The following PROM1 variants were observed in gnomAD, a reference collection of about 807,000 sequenced individuals.
PROM1 encodes prominin-1.
In PROM1, 105 loss-of-function variants were observed where a neutral mutation model predicts 116.9. The ratio of observed to expected loss-of-function variants is 0.90; its 90% CI spans 0.77 to 1.06. The LOEUF (loss-of-function observed/expected upper bound fraction) is 1.06, where lower values mean the gene tolerates loss of function less well. Ranked by LOEUF, PROM1 falls within the 50% of genes least tolerant of loss-of-function variation. The pLI, the probability that PROM1 is intolerant of heterozygous loss-of-function variation, is 0.00. For synonymous variants in PROM1, 393 were observed against 387.0 expected (o/e 1.02, Z -0.18); for missense variants, 1,122 against 1,045.2 (o/e 1.07, Z -1.01).
At chr4:16,025,369 G>C in intron 5 of PROM1, 57 bp from the exon 6 acceptor site, 1 of 1,597,460 alleles carries the variant, frequency 6.3e-7, no homozygotes, top group Non-Finnish European at 8.6e-7. Context: ...ATGGTTCTTT[G>C]TCCAGGTCCA....
chr4:15,992,135 T>A, intron 17 of PROM1, 113 bp downstream of exon 17: 1 of 1,378,868 alleles, frequency 7.3e-7, no homozygotes, highest in Non-Finnish European at 1.0e-6. Flanking sequence ...CACTTTAAAA[T>A]AGTCTTACAT....
In PROM1 at chr4:16,008,972, T is replaced by C. The variant is rs552089905; in HGVS notation, c.1278A>G (p.Thr426=). 7 of 1,591,618 alleles carry C rather than the reference T, an allele frequency of 4.4e-6. No homozygotes were observed. Among genetic ancestry groups the C allele is most frequent in the South Asian group, 2.2e-5 (2 of 90,280 alleles). Residue 426 remains threonine (T), a synonymous_variant, in exon 12 of 28, where the codon ACA becomes ACG. Coordinates refer to ENST00000447510, the MANE Select transcript of PROM1 (RefSeq NM_006017.3). ...ACCAGTATGAATCATACTCTTCCAA[T>C]GTAGGTAAATTTCTGTGGATGTAAC... ...TESYIHRNLP[T]LEEYDSYWWL... is the part of the protein sequence containing the mutation.
At position 16,061,608 on chromosome 4, in the gene PROM1, G is replaced by A. The variant is rs550180168; in HGVS notation, c.220+14079C>T. Among the ~76,000 whole-genome samples, 36 of 152,338 alleles carry A rather than the reference G, an allele frequency of 2.4e-4. No homozygotes were observed. The South Asian group carries it at 7.2e-3, about 31-fold the overall frequency. The stretch of plus-strand genomic sequence containing the variant: ...CCATGAGGTGACCACTCTGTCGGAT[G>A]CTCTCGGCCCTCTGCGAATACAGCT... On this transcript the variant is annotated intron_variant, in intron 2 of 27. Coordinates refer to ENST00000447510, the MANE Select transcript of PROM1 (RefSeq NM_006017.3).
intron 2 of PROM1, among the ~76,000 whole-genome samples, chr4:16,066,689 C>A (rs1368746858): frequency 6.6e-6 from 1 of 152,218 alleles, no homozygotes; most frequent in East Asian, 1.9e-4. Context: ...CTCAAGACTT[C>A]ATTTCTGCTC....
chr4:15,985,782 T>A lies in PROM1; in HGVS notation c.2258A>T (p.Tyr753Phe). Reference protein sequence around the residue: ...GRTIIGYFEHYLQWIEFSISE... With the variant: ...GRTIIGYFEHFLQWIEFSISE... ...TACAGAGAACTCGATCCACTGCAGA[T>A]AATGTTCAAAATATCCTATTATTGT... The change falls in exon 22 of 28, where the codon TAT (tyrosine) becomes TTT (phenylalanine). Residue 753 changes from tyrosine to phenylalanine, a missense_variant. By Grantham distance (22) the Tyr-to-Phe change is conservative. Coordinates refer to ENST00000447510, the MANE Select transcript of PROM1 (RefSeq NM_006017.3). The A allele has an allele frequency of 6.8e-7, 1 of 1,460,600 alleles. No individual in the cohort carries two copies. The highest frequency in any genetic ancestry group is 9.2e-7 in the Non-Finnish European group (1 of 1,081,704). 90.5% of individuals were successfully genotyped at this position (1,460,600 alleles called of 1,614,324 possible).
At chr4:16,069,026 G>T (rs768377160) in intron 2 of PROM1, among the ~76,000 whole-genome samples, 8 of 152,300 alleles carry the variant, frequency 5.3e-5, no homozygotes, top group Middle Eastern at 3.4e-3. Flanking sequence ...CCTGAGGTTA[G>T]GAGTTCAAGA....
At chr4:16,034,760 T>G (rs1483136491) in intron 4 of PROM1, among the ~76,000 whole-genome samples, 1 of 152,084 alleles carries the variant, frequency 6.6e-6, no homozygotes, top group Non-Finnish European at 1.5e-5. Context: ...CAAAGGAAAA[T>G]AAAACACGAG....
intron 26 of PROM1, among the ~76,000 whole-genome samples, chr4:15,976,868 A>G (rs1716265289): frequency 6.6e-6 from 1 of 152,114 alleles, no homozygotes; most frequent in Non-Finnish European, 1.5e-5. Context: ...GTCAGCAGAG[A>G]GCCTCCAGCT....
At chr4:16,013,012 G>A (rs558332967) in intron 11 of PROM1, among the ~76,000 whole-genome samples, 1 of 152,212 alleles carries the variant, frequency 6.6e-6, no homozygotes, top group East Asian at 1.9e-4. Context: ...CGCACACTCT[G>A]GGGACCTGGA....
intron 1 of PROM1, chr4:16,083,336 C>G (rs1373792000): frequency 6.6e-6 from 1 of 152,018 alleles, no homozygotes; most frequent in East Asian, 2.0e-4. Flanking sequence ...CCGCCGGCTA[C>G]CCCCACCCCC....
Position 16,075,887 on chromosome 4 carries a change from G to A in PROM1, c.20C>T (p.Ser7Phe), listed in dbSNP as rs373260255. 6.8e-6 allele frequency: 11 copies of A among 1,612,470 alleles called. No homozygotes were observed. The African/African-American group carries it at 8.0e-5, about 12-fold the overall frequency. ...CCCGCACAGCCCCAGCAGCAACAGG[G>A]AGCCGAGTACGAGGGCCATAGCTAG... The part of the protein sequence containing the change: MALVLG[S>F]LLLLGLCGNS... The change falls in exon 2 of 28, where the codon TCC becomes TTC. Residue 7 changes from serine to phenylalanine, a missense_variant. Ser to Phe is a radical substitution (Grantham distance 155). Coordinates refer to ENST00000447510, the MANE Select transcript of PROM1 (RefSeq NM_006017.3).
At chr4:16,006,363 A>T (rs1182621118) in intron 13 of PROM1, among the ~76,000 whole-genome samples, 175 bp downstream of exon 13, 4 of 152,192 alleles carry the variant, frequency 2.6e-5, no homozygotes, top group African/African-American at 4.8e-5. Context: ...GCTTGACAGA[A>T]GTACCCAAAT....
chr4:16,000,435 A>G, intron 14 of PROM1, 61 bp downstream of exon 14: 4 of 1,443,360 alleles, frequency 2.8e-6, no homozygotes, highest in Non-Finnish European at 3.8e-6. Context: ...AATGCACAAT[A>G]TATGAAGAAA....
chr4:15,983,255 GAAC>G lies in PROM1; in HGVS notation c.2373+1005_2373+1007del, dbSNP rs571223214. Among the ~76,000 whole-genome samples, 240 of 152,284 alleles carry G rather than the reference GAAC, an allele frequency of 1.6e-3. 1 individual carries two copies. The highest frequency in any genetic ancestry group is 2.9e-3 in the Non-Finnish European group (200 of 68,014). ...ATGTTTGAGCTAAGACCTGAAGGCGGAACAACAATAGTAGTGAATATTCATTGA... is the reference window on the plus strand; with the variant it reads ...ATGTTTGAGCTAAGACCTGAAGGCGGAACAATAGTAGTGAATATTCATTGA... On this transcript the variant is annotated intron_variant, in intron 23 of 27. Coordinates refer to ENST00000447510, the MANE Select transcript of PROM1 (RefSeq NM_006017.3).
At chr4:16,026,851 T>G (rs190234377) in intron 5 of PROM1, among the ~76,000 whole-genome samples, 1 of 152,206 alleles carries the variant, frequency 6.6e-6, no homozygotes, top group African/African-American at 2.4e-5. Flanking sequence ...TACTGAATAC[T>G]AGACTAGGGG....
chr4:16,024,491 T>G lies in PROM1; in HGVS notation c.631-133A>C, dbSNP rs1013547301. On this transcript the variant is annotated intron_variant, in intron 6 of 27. Transcript: ENST00000447510. ...GGTAACCAGCAAGTTCCTAGAAACC[T>G]TTCTGCTTTCTGACAAGTTGGAACC... 5.9e-6 allele frequency: 4 copies of G among 676,900 alleles called. No individual in the cohort carries two copies. The South Asian group carries it at 7.1e-5, about 12-fold the overall frequency. 41.9% of individuals were successfully genotyped at this position (676,900 alleles called of 1,614,324 possible).
At chr4:16,059,470 A>T (rs1401462070) in intron 2 of PROM1, among the ~76,000 whole-genome samples, 1 of 152,180 alleles carries the variant, frequency 6.6e-6, no homozygotes, top group East Asian at 1.9e-4. Flanking sequence ...TTGGGAGGCC[A>T]AGGCAGGAGG....
At chr4:16,065,523 G>C (rs1741319735) in intron 2 of PROM1, among the ~76,000 whole-genome samples, 1 of 152,166 alleles carries the variant, frequency 6.6e-6, no homozygotes, top group Non-Finnish European at 1.5e-5. Flanking sequence ...ACAGCTGATT[G>C]TGGAGGTGGA....
chr4:16,042,982 A>G (rs538122327), intron 2 of PROM1, among the ~76,000 whole-genome samples: 3 of 152,248 alleles, frequency 2.0e-5, no homozygotes, highest in Non-Finnish European at 4.4e-5. Context: ...TTGCTTTTGG[A>G]AACTATAGTT....
Sources: gnomAD v4.1 joint callset for allele counts (sites outside exome capture counted in the v4.1 genomes callset) on GRCh38, gnomAD v4.1.1 for gene constraint, MANE v1.5 for transcripts, NCBI Gene and HGNC (gene_info 2026-07-23, HGNC 2026-07-21) for gene names.